Variants in CPVL observed in about 807,000 individuals in gnomAD.
CPVL encodes the protein probable serine carboxypeptidase CPVL.
A neutral mutation model predicts 63.7 loss-of-function variants in CPVL; 51 were observed. That is an observed-to-expected ratio of 0.80 (90% CI 0.64 to 1.01). The LOEUF is 1.01. Ranked by LOEUF, CPVL falls within the 50% of genes least tolerant of loss-of-function variation. CPVL has a pLI of 0.00. For missense variants in CPVL, 530 were observed against 573.1 expected, an observed-to-expected ratio of 0.92 and a Z score of 0.77; for synonymous variants, 195 against 206.0, an observed-to-expected ratio of 0.95 and a Z score of 0.46.
At chr7:29,052,990 A>G (rs1790353147) in intron 11 of CPVL, among the ~76,000 whole-genome samples, 1 of 152,220 alleles carries the variant, frequency 6.6e-6, no homozygotes, top group Non-Finnish European at 1.5e-5. Context: ...CCCAATTAAT[A>G]GGCAAAGTAT....
At chr7:29,116,524 G>A (rs754051204) in intron 2 of CPVL, among the ~76,000 whole-genome samples, 23 of 152,150 alleles carry the variant, frequency 1.5e-4, no homozygotes, top group Admixed American at 1.2e-3. Context: ...GTTTTTTACT[G>A]CTGCAACCAA....
chr7:29,071,709 A>AT, intron 9 of CPVL, 64 bp downstream of exon 9: 2 of 472,932 alleles, frequency 4.2e-6, no homozygotes, highest in South Asian at 3.5e-5. Context: ...GTTCCTGCTC[A>AT]CCCGCCCTCC....
intron 4 of CPVL, chr7:29,181,556 G>T (rs1004309411): frequency 6.6e-6 from 1 of 152,162 alleles, no homozygotes; most frequent in Non-Finnish European, 1.5e-5. Context: ...TAGATTAATA[G>T]AAAGGAATTT....
chr7:29,149,963 C>T (rs1054890989), upstream of CPVL, among the ~76,000 whole-genome samples: 3 of 152,226 alleles, frequency 2.0e-5, no homozygotes, highest in Admixed American at 2.0e-4. Context: ...AATAAGGCCA[C>T]TTCACTGCTG....
At chr7:29,073,843 CAATA>C (rs1412338080) in intron 7 of CPVL, among the ~76,000 whole-genome samples, 8 of 152,068 alleles carry the variant, frequency 5.3e-5, no homozygotes, top group Admixed American at 2.6e-4. Flanking sequence ...TGTTAGTGCT[CAATA>C]AATAGTTGTT....
At chr7:29,102,016 C>G (rs1461409468) in intron 3 of CPVL, among the ~76,000 whole-genome samples, 1 of 152,198 alleles carries the variant, frequency 6.6e-6, no homozygotes, top group Non-Finnish European at 1.5e-5. Context: ...ACAACGCCAA[C>G]TACTCACAGG....
intron 5 of CPVL, among the ~76,000 whole-genome samples, chr7:29,157,261 C>G (rs891812664): frequency 6.6e-6 from 1 of 152,144 alleles, no homozygotes; most frequent in South Asian, 2.1e-4. Flanking sequence ...ACCCCTCCCC[C>G]ACCCTGCTAC....
chr7:29,143,677 A>G (rs971305418), intron 1 of CPVL, among the ~76,000 whole-genome samples: 2 of 152,192 alleles, frequency 1.3e-5, no homozygotes, highest in African/African-American at 4.8e-5. Flanking sequence ...TAAGCAATTT[A>G]AAGACAACCA....
intron 9 of CPVL, 61 bp downstream of exon 9, chr7:29,071,712 C>CTGGG: frequency 1.6e-6 from 1 of 618,252 alleles, no homozygotes; most frequent in Non-Finnish European, 2.8e-6. Flanking sequence ...CCTGCTCACC[C>CTGGG]GCCCTCCCTC....
intron 1 of CPVL, among the ~76,000 whole-genome samples, chr7:29,128,589 G>A (rs767653930): frequency 1.4e-4 from 22 of 151,744 alleles, no homozygotes; most frequent in Non-Finnish European, 2.4e-4. Context: ...GGTGGCACAC[G>A]CCTGTAATCC....
intron 3 of CPVL, among the ~76,000 whole-genome samples, chr7:29,105,415 A>G (rs1259987792): frequency 1.3e-5 from 2 of 152,198 alleles, no homozygotes; most frequent in Non-Finnish European, 2.9e-5. Flanking sequence ...AAGCATGTTG[A>G]TCTGTCAAGG....
chr7:29,011,355 C>G (rs966724712), intron 12 of CPVL: 1 of 152,398 alleles, frequency 6.6e-6, no homozygotes, highest in Non-Finnish European at 1.5e-5. Context: ...AAGAGGATCA[C>G]TTGAGCTCAG....
chr7:29,012,353 A>G (rs1785938230), intron 12 of CPVL: 2 of 152,202 alleles, frequency 1.3e-5, no homozygotes, highest in Admixed American at 6.5e-5. Flanking sequence ...ACTATCTAAG[A>G]GCACTGCACA....
At chr7:29,180,109 T>A (rs1797869114) in intron 5 of CPVL, among the ~76,000 whole-genome samples, 1 of 152,258 alleles carries the variant, frequency 6.6e-6, no homozygotes, top group Non-Finnish European at 1.5e-5. Context: ...TCATTCTTAA[T>A]ATTCCGAAGT....
chr7:29,190,183 G>C (rs1378813457), intron 1 of CPVL, among the ~76,000 whole-genome samples: 4 of 152,202 alleles, frequency 2.6e-5, no homozygotes, highest in Non-Finnish European at 5.9e-5. Flanking sequence ...ACTACAGAGC[G>C]AAATATTTCT....
intron 11 of CPVL, among the ~76,000 whole-genome samples, chr7:29,048,570 C>T (rs1214925608): frequency 1.3e-5 from 2 of 151,956 alleles, no homozygotes; most frequent in African/African-American, 2.4e-5. Context: ...AGACAGAGAG[C>T]AACACATTAA....
intron 12 of CPVL, among the ~76,000 whole-genome samples, chr7:29,019,336 C>T (rs908305008): frequency 2.0e-5 from 3 of 152,186 alleles, no homozygotes; most frequent in Admixed American, 6.5e-5. Flanking sequence ...ATACCAAAAA[C>T]TTATTACCTT....
In CPVL at chr7:29,169,861, C is replaced by CGTGTGTGTGT. The variant is rs71555785; in HGVS notation, c.-11+11419_-11+11428dup. Among the ~76,000 whole-genome samples, 19 of 147,930 alleles carry CGTGTGTGTGT rather than the reference C, an allele frequency of 1.3e-4. No individual in the cohort carries two copies. The East Asian group carries it at 2.6e-3, about 20-fold the overall frequency. ...ACACACATATATATAAGTATATATA[C>CGTGTGTGTGT]GTGTGTGTGTGTGTGTGTGTATATA... On this transcript the variant is annotated intron_variant, in intron 5 of 16. Transcript: ENST00000409850.
intron 7 of CPVL, among the ~76,000 whole-genome samples, chr7:29,075,937 C>T (rs79784516): frequency 0.018 from 2,448 of 136,818 alleles, 35 homozygotes; most frequent in African/African-American, 0.046. Context: ...CAGTTATTTT[C>T]ACTCTCCTTG....
Sources: gnomAD v4.1 joint callset for allele counts (sites outside exome capture counted in the v4.1 genomes callset) on GRCh38, gnomAD v4.1.1 for gene constraint, MANE v1.5 for transcripts, NCBI Gene and HGNC (gene_info 2026-07-23, HGNC 2026-07-21) for gene names.